The following EPN1 variants were observed in gnomAD, a reference collection of about 807,000 sequenced individuals.
EPN1 encodes epsin-1.
EPN1 carries 25 observed loss-of-function variants against 56.9 expected under a neutral mutation model. The observed-to-expected ratio is 0.44, with a 90% CI of 0.32 to 0.61. EPN1 has a LOEUF of 0.61. Among genes scored for constraint, EPN1 ranks in the 20% least tolerant of loss-of-function variants. The pLI is 0.05. For synonymous variants in EPN1, 411 were observed against 361.8 expected (o/e 1.14, Z -1.54); for missense variants, 785 against 823.7 (o/e 0.95, Z 0.58).
chr19:55,686,258 G>A (rs1986160769), intron 3 of EPN1, among the ~76,000 whole-genome samples: 1 of 152,250 alleles, frequency 6.6e-6, no homozygotes, highest in Admixed American at 6.5e-5. Flanking sequence ...TGTGATGGGT[G>A]TGTGGGTCTC....
At chr19:55,676,446 C>T (rs1985433138) in intron 1 of EPN1, among the ~76,000 whole-genome samples, 1 of 152,150 alleles carries the variant, frequency 6.6e-6, no homozygotes, top group Non-Finnish European at 1.5e-5. Flanking sequence ...CTAATGCACG[C>T]CAAATAAGTA....
In EPN1 at chr19:55,694,735, A is replaced by G; in HGVS notation, c.1274A>G (p.Glu425Gly). ...TCCCGGATCCTTCCAGGAGAGCTGG[A>G]GCTGCTGGCAGGAGAGGTGCCGGCC... ...PTSGSSAGEL[E>G]LLAGEVPARS... Residue 425 changes from glutamate to glycine, a missense_variant, in exon 10 of 11, where the codon GAG becomes GGG. This residue lies in a region of EPN1 where 650 missense variants were observed against 605.0 expected (regional missense o/e 1.07). Coordinates refer to ENST00000270460, the MANE Select transcript of EPN1 (RefSeq NM_001130072.2). The surrounding 1 kb of genome is among the most constrained non-coding windows in gnomAD (Gnocchi z 4.2). 1.3e-6 allele frequency: 2 copies of G among 1,571,688 alleles called. No homozygotes were observed. Among genetic ancestry groups the G allele is most frequent in the Non-Finnish European group, 1.7e-6 (2 of 1,157,428 alleles).
At position 55,678,667 on chromosome 19, in the gene EPN1, G is replaced by A. The variant is rs1169596692; in HGVS notation, c.40G>A (p.Val14Ile). Reference sequence around the variant, plus strand: ...CTTGAGGCGCCAGATGAAGAACATCGTCCACAACTACTCAGAGGCGGAGAT... The same window carrying A: ...CTTGAGGCGCCAGATGAAGAACATCATCCACAACTACTCAGAGGCGGAGAT... ...SSLRRQMKNI[V>I]HNYSEAEIKV... Residue 14 changes from valine to isoleucine, a missense_variant, in exon 2 of 11, where the codon GTC becomes ATC. Val to Ile is a conservative substitution (Grantham distance 29, BLOSUM62 3). Coordinates refer to ENST00000270460, the MANE Select transcript of EPN1 (RefSeq NM_001130072.2). The A allele has an allele frequency of 6.2e-7, 1 of 1,613,764 alleles. No homozygotes were observed.
intron 6 of EPN1, among the ~76,000 whole-genome samples, chr19:55,690,994 C>G (rs759581681): frequency 1.5e-4 from 23 of 152,196 alleles, no homozygotes; most frequent in African/African-American, 5.3e-4. Flanking sequence ...CTCCCCTTCC[C>G]ATCCCCGCCG....
Position 55,708,812 on chromosome 19 carries a change from T to C in EPN1, c.*13456T>C, listed in dbSNP as rs2122266210. On this transcript the variant is annotated 3_prime_UTR_variant, in exon 11 of 11. Transcript: ENST00000270460. ...GGGAGTACCTCTGAAATCACAGCCC[T>C]GCTGCCATGATGTGCAATTACAGGA... is the stretch of plus-strand genomic sequence containing the variant. The C allele has an allele frequency of 2.6e-6, 2 of 775,242 alleles. No individual in the cohort carries two copies. The highest frequency in any genetic ancestry group is 1.8e-5 in the African/African-American group (1 of 54,998). 48.0% of individuals were successfully genotyped at this position (775,242 alleles called of 1,614,324 possible).
At position 55,689,324 on chromosome 19, in the gene EPN1, G is replaced by C; in HGVS notation, c.631G>C (p.Ala211Pro). The change falls in exon 5 of 11, where the codon GCC (alanine) becomes CCC (proline). Residue 211 changes from alanine (A) to proline (P), a missense_variant. Coordinates refer to ENST00000270460, the MANE Select transcript of EPN1 (RefSeq NM_001130072.2). The surrounding 1 kb of genome is among the most constrained non-coding windows in gnomAD (Gnocchi z 5.7). ...QPPSCGPEDD[A>P]QLQLALSLSR... ...CCCGTCCTGCGGCCCCGAGGACGAC[G>C]CCCAGCTCCAGCTGGCCCTTAGTTT... 1 of 1,547,962 alleles carries C rather than the reference G, an allele frequency of 6.5e-7. No homozygotes were observed. The highest frequency in any genetic ancestry group is 8.7e-7 in the Non-Finnish European group (1 of 1,145,740).
chr19:55,706,167 C>A lies in EPN1; in HGVS notation c.*10811C>A. ...CTTCTTCCTCCTCCTCCTCTCTTTTCTTCTTCCTCTTCCTCCTTTTTCTCC... is the reference window on the plus strand; with the variant it reads ...CTTCTTCCTCCTCCTCCTCTCTTTTATTCTTCCTCTTCCTCCTTTTTCTCC... On this transcript the variant is annotated 3_prime_UTR_variant, in exon 11 of 11. Coordinates refer to ENST00000270460, the MANE Select transcript of EPN1 (RefSeq NM_001130072.2). The A allele has an allele frequency of 1.2e-5, 2 of 172,694 alleles. No individual in the cohort carries two copies. The allele number at this position is 172,694 out of a possible 1,614,324, so 10.7% of individuals were successfully genotyped here.
At chr19:55,684,240 T>C (rs568648691) in intron 2 of EPN1, among the ~76,000 whole-genome samples, 33 of 152,288 alleles carry the variant, frequency 2.2e-4, no homozygotes, top group Non-Finnish European at 4.4e-4. Flanking sequence ...TTCTCCTTGG[T>C]TCAGACGGAG....
rs781661936 is a variant in EPN1, at chr19:55,694,711, C to T, written c.1265-15C>T. 1.9e-6 allele frequency: 3 copies of T among 1,549,870 alleles called. No homozygotes were observed. The highest frequency in any genetic ancestry group is 1.7e-6 in the Non-Finnish European group (2 of 1,146,858). On this transcript the variant is annotated splice_polypyrimidine_tract_variant and intron_variant, in intron 9 of 10. Coordinates refer to ENST00000270460, the MANE Select transcript of EPN1 (RefSeq NM_001130072.2). The surrounding 1 kb of genome is among the most constrained non-coding windows in gnomAD (Gnocchi z 4.2). ...CTGTCTGCCCTGTCTGAGCCCCTCTCCCGGATCCTTCCAGGAGAGCTGGAG... is the reference window on the plus strand; with the variant it reads ...CTGTCTGCCCTGTCTGAGCCCCTCTTCCGGATCCTTCCAGGAGAGCTGGAG...
chr19:55,678,635 C>G lies in EPN1; in HGVS notation c.8C>G (p.Thr3Ser). The G allele has an allele frequency of 6.2e-7, 1 of 1,610,668 alleles. No homozygotes were observed. Among genetic ancestry groups the G allele is most frequent in the East Asian group, 2.2e-5 (1 of 44,784 alleles). The change falls in exon 2 of 11, where the codon ACC becomes AGC. Residue 3 changes from threonine (T) to serine (S), a missense_variant. Physicochemically the swap from Thr to Ser is moderately conservative, Grantham distance 58. Coordinates refer to ENST00000270460, the MANE Select transcript of EPN1 (RefSeq NM_001130072.2). ...CTGCTGCAGCCGGGCACCATGTCGA[C>G]CTCGTCCTTGAGGCGCCAGATGAAG... MSTSSLRRQMKNI... is the reference protein window; with the variant it reads MSSSSLRRQMKNI...
rs752015067 is a variant in EPN1, at chr19:55,700,754, C to T, written c.*5398C>T. On this transcript the variant is annotated 3_prime_UTR_variant, in exon 11 of 11. Transcript: ENST00000270460. ...TGGTAATGACATGCTCTCTAGTAAT[C>T]GTTGTGTGTTACTGTCAAAAGGTAT... 1 of 152,264 alleles carries T rather than the reference C, an allele frequency of 6.6e-6. No homozygotes were observed. The highest frequency in any genetic ancestry group is 1.5e-5 in the Non-Finnish European group (1 of 68,064). The allele number at this position is 152,264 out of a possible 1,614,324, so 9.4% of individuals were successfully genotyped here.
Position 55,694,624 on chromosome 19 carries a change from A to C in EPN1, c.1265-102A>C. On this transcript the variant is annotated intron_variant, in intron 9 of 10. Coordinates refer to ENST00000270460, the MANE Select transcript of EPN1 (RefSeq NM_001130072.2). This position sits in a 1 kb window ranked among gnomAD's most constrained non-coding sequence, Gnocchi z 4.2. ...TTCCTCCTTCCCGAGGCCTCTGGGCACCGGGCTCTTTGAAGCGCCCCCTAT... is the reference window on the plus strand; with the variant it reads ...TTCCTCCTTCCCGAGGCCTCTGGGCCCCGGGCTCTTTGAAGCGCCCCCTAT... The C allele has an allele frequency of 7.2e-7, 1 of 1,383,760 alleles. No homozygotes were observed. Among genetic ancestry groups the C allele is most frequent in the African/African-American group, 1.4e-5 (1 of 69,294 alleles). 85.7% of individuals were successfully genotyped at this position (1,383,760 alleles called of 1,614,324 possible).
At position 55,694,763 on chromosome 19, in the gene EPN1, A is replaced by T. The variant is rs750922552; in HGVS notation, c.1302A>T (p.Arg434=). 7.5e-6 allele frequency: 12 copies of T among 1,595,164 alleles called. No homozygotes were observed. Among genetic ancestry groups the T allele is most frequent in the Admixed American group, 1.7e-5 (1 of 58,470 alleles). The change falls in exon 10 of 11, where the codon CGA becomes CGT. Residue 434 remains arginine, a synonymous_variant. Coordinates refer to ENST00000270460, the MANE Select transcript of EPN1 (RefSeq NM_001130072.2). The surrounding 1 kb of genome is among the most constrained non-coding windows in gnomAD (Gnocchi z 4.2). ...TGCTGGCAGGAGAGGTGCCGGCCCG[A>T]AGCCCTGGGGCGTTTGACATGAGTG... ...LELLAGEVPA[R]SPGAFDMSGV...
rs1396799625 is a variant in EPN1, at chr19:55,704,954, C to T, written c.*9598C>T. On this transcript the variant is annotated 3_prime_UTR_variant, in exon 11 of 11. Transcript: ENST00000270460. ...TCTGGCTGAATGCTGTTCTCATCCACTTCCCAAGCATCTCTGGCTGAATGC... is the reference window on the plus strand; with the variant it reads ...TCTGGCTGAATGCTGTTCTCATCCATTTCCCAAGCATCTCTGGCTGAATGC... The T allele has an allele frequency of 3.3e-5, 5 of 152,390 alleles. No homozygotes were observed. The highest frequency in any genetic ancestry group is 1.3e-4 in the Admixed American group (2 of 15,296). The allele number at this position is 152,390 out of a possible 1,614,324, so 9.4% of individuals were successfully genotyped here.
rs1986073454 is a variant in EPN1 at position 55,685,062 on chromosome 19, AC to A, written c.229-330del. Among the ~76,000 whole-genome samples, 3 of 151,320 alleles carry A rather than the reference AC, an allele frequency of 2.0e-5. No homozygotes were observed. In the South Asian group the frequency reaches 6.3e-4, roughly 32 times the overall value. On this transcript the variant is annotated intron_variant, in intron 2 of 10. Transcript: ENST00000270460. The stretch of plus-strand genomic sequence containing the variant: ...GTGGTCCCTCTCCATCCCTCCCTCC[AC>A]CCCTGGCAACCCACAATCCACTCCG...
chr19:55,684,899 A>G (rs1047058948), intron 2 of EPN1, among the ~76,000 whole-genome samples: 1 of 152,164 alleles, frequency 6.6e-6, no homozygotes, highest in Non-Finnish European at 1.5e-5. Flanking sequence ...TTGGATTGAG[A>G]TGGAGCTCCT....
At chr19:55,686,777 G>A (rs1346776262) in intron 3 of EPN1, among the ~76,000 whole-genome samples, 1 of 152,066 alleles carries the variant, frequency 6.6e-6, no homozygotes, top group Non-Finnish European at 1.5e-5. Context: ...GAGTGTAGGC[G>A]GCAGAGAGGG....
At chr19:55,690,006 C>G (rs953379853) in intron 6 of EPN1, 56 bp downstream of exon 6, 1 of 1,476,454 alleles carries the variant, frequency 6.8e-7, no homozygotes, top group Non-Finnish European at 9.2e-7. Flanking sequence ...TCCGTCCCAT[C>G]GCTCATTCCT....
chr19:55,699,262 AG>A lies in EPN1; in HGVS notation c.*3910del, dbSNP rs1368458382. 1 of 152,172 alleles carries A rather than the reference AG, an allele frequency of 6.6e-6. No homozygotes were observed. The highest frequency in any genetic ancestry group is 6.5e-5 in the Admixed American group (1 of 15,268). 9.4% of individuals were successfully genotyped at this position (152,172 alleles called of 1,614,324 possible). A position where few individuals can be genotyped will look rare whatever the true frequency, so the allele number is the denominator to read the frequency against. ...GCGTTGGTTTTCTGCGTGTGCTAAA[AG>A]GGGAGGGAGAGTTTCTGTGCCCATT... On this transcript the variant is annotated 3_prime_UTR_variant, in exon 11 of 11. Transcript: ENST00000270460.
Sources: allele counts gnomAD v4.1 joint callset (sites outside exome capture counted in the v4.1 genomes callset), GRCh38; gene constraint gnomAD v4.1.1; regional missense constraint gnomAD v4.1.1; non-coding constraint Gnocchi (gnomAD v3.1); transcripts MANE v1.5; gene names NCBI Gene and HGNC (gene_info 2026-07-23, HGNC 2026-07-21).